KLRG2: variants seen among roughly 807,000 people sequenced by gnomAD.
KLRG2 encodes killer cell lectin like receptor G2.
A neutral mutation model predicts 35.4 loss-of-function variants in KLRG2; 39 were observed. The observed-to-expected ratio is 1.10, with a 90% confidence interval of 0.85 to 1.44. The LOEUF (loss-of-function observed/expected upper bound fraction) is 1.44, where lower values mean the gene tolerates loss of function less well. KLRG2 is among the 40% of genes most tolerant of loss of function. The pLI is 0.00. For missense variants in KLRG2, 632 were observed against 570.9 expected (o/e 1.11, Z -1.09); for synonymous variants, 283 against 265.8 (o/e 1.06, Z -0.63).
the KLRG2 span, among the ~76,000 whole-genome samples, chr7:139,442,498 G>A: frequency 7.9e-5 from 12 of 152,140 alleles, no homozygotes; most frequent in Non-Finnish European, 1.5e-4. Context: ...GATGGCTCGA[G>A]TCCAGGAGTT....
chr7:139,479,691 C>T lies in KLRG2; in HGVS notation c.941G>A (p.Trp314Ter), dbSNP rs750932167. The change falls in exon 3 of 5, where the codon TGG becomes TAG. Residue 314 changes from tryptophan to a stop codon, truncating the protein, a stop_gained. Coordinates refer to ENST00000340940, the MANE Select transcript of KLRG2 (RefSeq NM_198508.4). LOFTEE classifies it high-confidence loss of function. ...TGAGCAGAAAGCCTGGCTGGCTTCCCAGGCCTGCGCTTCTGCAGAGAAGTA... is the reference window on the plus strand; with the variant it reads ...TGAGCAGAAAGCCTGGCTGGCTTCCTAGGCCTGCGCTTCTGCAGAGAAGTA... The part of the protein sequence containing the change: ...CYYFSAEAQA[W>*]EASQAFCSAY... 5 of 1,614,034 alleles carry T rather than the reference C, an allele frequency of 3.1e-6. No individual in the cohort carries two copies. The South Asian group carries it at 5.5e-5, about 18-fold the overall frequency.
chr7:139,476,921 T>A (rs998115975), intron 3 of KLRG2, among the ~76,000 whole-genome samples: 2 of 152,170 alleles, frequency 1.3e-5, no homozygotes, highest in African/African-American at 2.4e-5. Context: ...TCTGCCTCAC[T>A]CACTGCTGTC....
At chr7:139,475,965 A>C (rs553555176) in intron 3 of KLRG2, among the ~76,000 whole-genome samples, 17 of 152,180 alleles carry the variant, frequency 1.1e-4, no homozygotes, top group Admixed American at 2.0e-4. Flanking sequence ...AAAAAAAAAA[A>C]ACACATTTGG....
At chr7:139,441,681 A>C in the KLRG2 span, among the ~76,000 whole-genome samples, 1,334 of 152,190 alleles carry the variant, frequency 8.8e-3, 26 homozygotes, top group African/African-American at 0.03. Context: ...CTGAGGCAGG[A>C]GGATCCCTTG....
chr7:139,430,491 T>G, the KLRG2 span, among the ~76,000 whole-genome samples: 1 of 152,142 alleles, frequency 6.6e-6, no homozygotes, highest in Admixed American at 6.5e-5. Context: ...TAAGTATGAA[T>G]GAAGATGTAG....
At chr7:139,465,138 A>G (rs188956971) in intron 3 of KLRG2, among the ~76,000 whole-genome samples, 17 of 152,314 alleles carry the variant, frequency 1.1e-4, no homozygotes, top group Admixed American at 7.2e-4. Context: ...ATGCTATAGT[A>G]TCTTCCACAC....
chr7:139,445,797 G>GTGTGTATATATATATATATATATGTGTA, the KLRG2 span, among the ~76,000 whole-genome samples: 1 of 99,074 alleles, frequency 1.0e-5, no homozygotes, highest in African/African-American at 7.6e-5. Context: ...ATATATGTGT[G>GTGTGTATATATATATATATATATGTGTA]TATATATATA....
intron 3 of KLRG2, among the ~76,000 whole-genome samples, chr7:139,470,091 C>G (rs1796731265): frequency 6.6e-6 from 1 of 151,314 alleles, no homozygotes; most frequent in Non-Finnish European, 1.5e-5. Flanking sequence ...CGGAGTCTCG[C>G]TCTGTTGCCA....
intron 3 of KLRG2, among the ~76,000 whole-genome samples, chr7:139,474,186 T>C (rs1796809553): frequency 1.3e-5 from 2 of 151,954 alleles, no homozygotes; most frequent in South Asian, 4.2e-4. Context: ...CTAGCTAAAT[T>C]TTTGTGTGTG....
At chr7:139,466,939 G>C (rs1453942433) in intron 3 of KLRG2, among the ~76,000 whole-genome samples, 1 of 151,192 alleles carries the variant, frequency 6.6e-6, no homozygotes, top group Non-Finnish European at 1.5e-5. Flanking sequence ...GGATGTCCTG[G>C]GCCCTCCCAA....
the KLRG2 span, among the ~76,000 whole-genome samples, chr7:139,445,767 G>GTATATATATATATGTGTATATATATATA: frequency 2.2e-5 from 2 of 89,632 alleles, no homozygotes; most frequent in South Asian, 2.9e-4. Flanking sequence ...ATATGTGTAT[G>GTATATATATATATGTGTATATATATATA]TATATATATA....
chr7:139,453,888 C>T lies in KLRG2; in HGVS notation c.1110-181G>A, dbSNP rs541550814. Among the ~76,000 whole-genome samples, 56 of 152,220 alleles carry T rather than the reference C, an allele frequency of 3.7e-4. 1 individual carries two copies. Among genetic ancestry groups the T allele is most frequent in the South Asian group, 2.5e-3 (12 of 4,820 alleles). ...CCAAACCTCCCTGGGCAGCTGACCCCGCATCTGTAAAATGGGGGTGACAAC... is the reference window on the plus strand; with the variant it reads ...CCAAACCTCCCTGGGCAGCTGACCCTGCATCTGTAAAATGGGGGTGACAAC... On this transcript the variant is annotated intron_variant, in intron 4 of 4. Transcript: ENST00000340940.
chr7:139,479,385 A>T (rs552317025), intron 3 of KLRG2, among the ~76,000 whole-genome samples: 1 of 152,298 alleles, frequency 6.6e-6, no homozygotes, highest in Non-Finnish European at 1.5e-5. Context: ...CTGGCCAAAA[A>T]AAAATTTTTT....
At position 139,479,648 on chromosome 7, in the gene KLRG2, GA is replaced by G; in HGVS notation, c.983del (p.Leu328ProfsTer4). On this transcript the variant is annotated frameshift_variant, in exon 3 of 5. Coordinates refer to ENST00000340940, the MANE Select transcript of KLRG2 (RefSeq NM_198508.4). LOFTEE classifies it high-confidence loss of function. Reference protein sequence around the residue: ...QAFCSAYHATLPLLSHTQDFL... With the variant: ...QAFCSAYHATXPLLSHTQDFL... ...TCACCTGGGTGTGGCTTAGCAGGGG[GA>G]GGGTAGCGTGGTAGGCTGAGCAGAA... 1 of 1,613,340 alleles carries G rather than the reference GA, an allele frequency of 6.2e-7. No individual in the cohort carries two copies. Among genetic ancestry groups the G allele is most frequent in the Non-Finnish European group, 8.5e-7 (1 of 1,179,994 alleles).
Position 139,479,665 on chromosome 7 carries a change from C to T in KLRG2, c.967G>A (p.Ala323Thr). ...AGCAGGGGGAGGGTAGCGTGGTAGG[C>T]TGAGCAGAAAGCCTGGCTGGCTTCC... is the stretch of plus-strand genomic sequence containing the variant. ...AWEASQAFCS[A>T]YHATLPLLSH... The change falls in exon 3 of 5, where the codon GCC becomes ACC. Residue 323 changes from alanine (A) to threonine (T), a missense_variant. By Grantham distance (58) the Ala-to-Thr change is moderately conservative. Transcript: ENST00000340940. 1 of 1,613,752 alleles carries T rather than the reference C, an allele frequency of 6.2e-7. No individual in the cohort carries two copies. The highest frequency in any genetic ancestry group is 1.1e-5 in the South Asian group (1 of 91,078).
At chr7:139,427,858 G>C in the KLRG2 span, among the ~76,000 whole-genome samples, 1 of 152,098 alleles carries the variant, frequency 6.6e-6, no homozygotes, top group African/African-American at 2.4e-5. Context: ...TAACTCACAC[G>C]ATCTCATTTG....
the KLRG2 span, among the ~76,000 whole-genome samples, chr7:139,433,267 T>C: frequency 9.9e-5 from 15 of 152,238 alleles, no homozygotes; most frequent in Non-Finnish European, 1.5e-5. Flanking sequence ...CTTACTCAGA[T>C]TGAATCCTGC....
At chr7:139,470,736 G>C (rs975071390) in intron 3 of KLRG2, among the ~76,000 whole-genome samples, 1 of 151,904 alleles carries the variant, frequency 6.6e-6, no homozygotes, top group African/African-American at 2.4e-5. Context: ...AGGCTGCAGC[G>C]AGCTATGATG....
chr7:139,475,066 G>C (rs907589387), intron 3 of KLRG2, among the ~76,000 whole-genome samples: 1 of 152,204 alleles, frequency 6.6e-6, no homozygotes, highest in Non-Finnish European at 1.5e-5. Flanking sequence ...TGGGTTTCCT[G>C]CCTAGTCTAT....
Sources: allele counts gnomAD v4.1 joint callset (sites outside exome capture counted in the v4.1 genomes callset), GRCh38; gene constraint gnomAD v4.1.1; transcripts MANE v1.5; gene names NCBI Gene and HGNC (gene_info 2026-07-23, HGNC 2026-07-21).